The following RBFOX1 variants were observed in gnomAD, a reference collection of about 807,000 sequenced individuals.
RBFOX1 encodes the protein RNA binding fox-1 homolog 1, also known as RNA binding protein fox-1 homolog 1.
In RBFOX1, 8 loss-of-function variants were observed where a neutral mutation model predicts 57.7. The observed-to-expected ratio is 0.14, with a 90% CI of 0.08 to 0.25. The LOEUF (loss-of-function observed/expected upper bound fraction) is 0.25. Ranked by LOEUF, RBFOX1 falls within the 10% of genes least tolerant of loss-of-function variation. The probability of loss-of-function intolerance (pLI) is 1.00; values close to 1 mark genes in which losing one functional copy is unlikely to be tolerated. For synonymous variants in RBFOX1, 326 were observed against 222.4 expected (o/e 1.47, Z -4.15); for missense variants, 611 against 548.5 (o/e 1.11, Z -1.14).
intron 4 of RBFOX1, among the ~76,000 whole-genome samples, chr16:5,993,018 C>T (rs2060427691): frequency 6.6e-6 from 1 of 152,178 alleles, no homozygotes; most frequent in Non-Finnish European, 1.5e-5. Flanking sequence ...CAGCTCCAGG[C>T]TGGGGGACCC....
chr16:6,804,683 A>G (rs1487221914), intron 3 of RBFOX1, among the ~76,000 whole-genome samples: 1 of 152,210 alleles, frequency 6.6e-6, no homozygotes. Context: ...TCTAAAGAAT[A>G]AGAGTGCTGA....
At chr16:6,844,179 A>G (rs536164749) in intron 3 of RBFOX1, among the ~76,000 whole-genome samples, 1 of 151,110 alleles carries the variant, frequency 6.6e-6, no homozygotes, top group Non-Finnish European at 1.5e-5. Flanking sequence ...TAGCTTCTGG[A>G]GGAATCTTCT....
intron 3 of RBFOX1, among the ~76,000 whole-genome samples, chr16:5,790,331 G>C (rs2054647448): frequency 6.6e-6 from 1 of 152,150 alleles, no homozygotes; most frequent in Non-Finnish European, 1.5e-5. Flanking sequence ...GCTTGCCAGA[G>C]GGAGAAACCC....
chr16:6,278,922 G>A (rs2076103643), intron 1 of RBFOX1, among the ~76,000 whole-genome samples: 1 of 151,972 alleles, frequency 6.6e-6, no homozygotes, highest in Admixed American at 6.6e-5. Context: ...CACCAAGAAG[G>A]TTGAGATATG....
intron 4 of RBFOX1, among the ~76,000 whole-genome samples, chr16:7,490,117 T>G (rs1024937867): frequency 7.9e-5 from 12 of 152,212 alleles, no homozygotes; most frequent in Non-Finnish European, 1.6e-4. Context: ...GGCTTCTGAA[T>G]GGAGGAGGCT....
intron 1 of RBFOX1, among the ~76,000 whole-genome samples, chr16:6,195,574 C>G (rs1254065854): frequency 6.6e-6 from 1 of 151,964 alleles, no homozygotes. Context: ...AAAAAATTAG[C>G]CAGGCGTGGT....
At chr16:7,321,291 T>C (rs1362612538) in intron 4 of RBFOX1, among the ~76,000 whole-genome samples, 2 of 151,994 alleles carry the variant, frequency 1.3e-5, no homozygotes, top group Non-Finnish European at 2.9e-5. Context: ...ATTACAGGTG[T>C]GTGCCACCAT....
intron 3 of RBFOX1, among the ~76,000 whole-genome samples, chr16:5,664,358 G>A (rs535604380): frequency 3.8e-4 from 58 of 152,170 alleles, no homozygotes; most frequent in African/African-American, 1.2e-3. Flanking sequence ...GACCATACTG[G>A]CCAACATGGT....
intron 1 of RBFOX1, among the ~76,000 whole-genome samples, chr16:5,442,885 A>T (rs116256808): frequency 0.013 from 1,944 of 152,254 alleles, 45 homozygotes; most frequent in African/African-American, 0.043. Context: ...GAATTTTGAG[A>T]TGACCCTGCA....
intron 4 of RBFOX1, among the ~76,000 whole-genome samples, chr16:7,174,508 C>T (rs571795256): frequency 6.6e-6 from 1 of 152,264 alleles, no homozygotes; most frequent in South Asian, 2.1e-4. Context: ...TGGCTGGGCG[C>T]AGTGGCTCAC....
chr16:6,796,587 A>G (rs904573602), intron 3 of RBFOX1, among the ~76,000 whole-genome samples: 1 of 152,126 alleles, frequency 6.6e-6, no homozygotes, highest in African/African-American at 2.4e-5. Flanking sequence ...TTCTACCCTT[A>G]TTCATACCTA....
chr16:7,261,712 G>T (rs889984691), intron 4 of RBFOX1, among the ~76,000 whole-genome samples: 6 of 152,096 alleles, frequency 3.9e-5, no homozygotes, highest in African/African-American at 1.4e-4. Flanking sequence ...GATAAAAATA[G>T]GCATCATGAT....
intron 4 of RBFOX1, among the ~76,000 whole-genome samples, chr16:5,955,306 TA>T (rs1475944465): frequency 1.2e-4 from 2 of 16,262 alleles, no homozygotes; most frequent in East Asian, 2.7e-3. Flanking sequence ...TAAAATAAAA[TA>T]AAATAAAATA....
intron 3 of RBFOX1, among the ~76,000 whole-genome samples, chr16:5,823,896 C>T (rs1567589505): frequency 6.6e-6 from 1 of 152,106 alleles, no homozygotes; most frequent in Admixed American, 6.5e-5. Flanking sequence ...AAATGAAGGG[C>T]ACAATAAACA....
intron 8 of RBFOX1, 36 bp downstream of exon 8, chr16:7,595,677 T>G: frequency 6.5e-7 from 1 of 1,529,738 alleles, no homozygotes; most frequent in Non-Finnish European, 8.9e-7. Flanking sequence ...TCATCTTTTT[T>G]ATAAATGTCT....
chr16:7,357,468 G>T (rs1197045601), intron 4 of RBFOX1, among the ~76,000 whole-genome samples: 2 of 152,068 alleles, frequency 1.3e-5, no homozygotes, highest in African/African-American at 4.8e-5. Flanking sequence ...ACTTTCTTTG[G>T]CCTCACCTTT....
intron 2 of RBFOX1, among the ~76,000 whole-genome samples, chr16:6,575,823 C>T (rs2097425642): frequency 6.7e-6 from 1 of 150,292 alleles, no homozygotes; most frequent in African/African-American, 2.4e-5. Context: ...CAGCACTGCA[C>T]TCTAGTCTGG....
chr16:7,067,328 A>T (rs1319829498), intron 4 of RBFOX1, among the ~76,000 whole-genome samples: 1 of 152,156 alleles, frequency 6.6e-6, no homozygotes, highest in African/African-American at 2.4e-5. Flanking sequence ...AGTGGTTTAT[A>T]GAACACAAAT....
intron 10 of RBFOX1, 83 bp from the exon 11 acceptor site, chr16:7,630,520 A>T: frequency 6.3e-7 from 1 of 1,580,088 alleles, no homozygotes; most frequent in Non-Finnish European, 8.6e-7. Context: ...ATTTCTCTGC[A>T]TTTCTCGGTT....
Sources: gnomAD v4.1 joint callset for allele counts (sites outside exome capture counted in the v4.1 genomes callset) on GRCh38, gnomAD v4.1.1 for gene constraint, MANE v1.5 for transcripts, NCBI Gene and HGNC (gene_info 2026-07-23, HGNC 2026-07-21) for gene names.